PAX7: variants seen among roughly 807,000 people sequenced by gnomAD.
PAX7 encodes the protein paired box protein Pax-7.
Under a neutral mutation model 50.7 loss-of-function variants are expected in PAX7, and 18 were observed. The observed-to-expected ratio is 0.36, with a 90% confidence interval of 0.25 to 0.53. PAX7 has a LOEUF of 0.53. Ranked by LOEUF, PAX7 falls within the 20% of genes least tolerant of loss-of-function variation. The pLI is 0.93. For synonymous variants in PAX7, 310 were observed against 290.4 expected (o/e 1.07, Z -0.69); for missense variants, 644 against 702.9 (o/e 0.92, Z 0.95).
chr1:18,665,868 C>T lies in PAX7; in HGVS notation c.587-25886C>T, dbSNP rs544121350. ...TGTATTTTAAATAGAGACAAAGTTTCGCCACGTTGTCCAGGCTGGTCTCAA... is the reference window on the plus strand; with the variant it reads ...TGTATTTTAAATAGAGACAAAGTTTTGCCACGTTGTCCAGGCTGGTCTCAA... On this transcript the variant is annotated intron_variant, in intron 4 of 8. Transcript: ENST00000420770. Among the ~76,000 whole-genome samples, 17 of 151,882 alleles carry T rather than the reference C, an allele frequency of 1.1e-4. No homozygotes were observed. The South Asian group carries it at 3.3e-3, about 30-fold the overall frequency.
At chr1:18,695,900 C>T (rs889783097) in intron 5 of PAX7, among the ~76,000 whole-genome samples, 2 of 152,064 alleles carry the variant, frequency 1.3e-5, no homozygotes, top group African/African-American at 2.4e-5. Flanking sequence ...CAGTGTACAA[C>T]GCCTCTTTAC....
At chr1:18,690,743 C>A (rs985356066) in intron 4 of PAX7, among the ~76,000 whole-genome samples, 3 of 152,240 alleles carry the variant, frequency 2.0e-5, no homozygotes, top group African/African-American at 7.2e-5. Flanking sequence ...GGGTGGGGTC[C>A]ATGGCCTTGA....
intron 8 of PAX7, 122 bp from the exon 9 acceptor site, chr1:18,744,692 G>GGATGGATGGATGGATA (rs1931345804): frequency 1.3e-5 from 2 of 159,336 alleles, no homozygotes; most frequent in African/African-American, 2.6e-4. Context: ...ATGGATAAAT[G>GGATGGATGGATGGATA]GATGGATGGA....
At chr1:18,717,388 C>T (rs2089440159) in intron 7 of PAX7, among the ~76,000 whole-genome samples, 2 of 152,336 alleles carry the variant, frequency 1.3e-5, no homozygotes, top group South Asian at 2.1e-4. Flanking sequence ...GGGAGCGCCC[C>T]GTTCCCCACC....
chr1:18,638,187 G>T (rs2100426971), intron 4 of PAX7, among the ~76,000 whole-genome samples: 1 of 152,366 alleles, frequency 6.6e-6, no homozygotes, highest in Middle Eastern at 3.4e-3. Context: ...CACGCAGGGA[G>T]TATATCCAGT....
intron 4 of PAX7, among the ~76,000 whole-genome samples, chr1:18,649,357 A>T (rs1264833592): frequency 6.6e-6 from 1 of 152,096 alleles, no homozygotes; most frequent in African/African-American, 2.4e-5. Flanking sequence ...TAAAGTTCTG[A>T]TTCACAGAGG....
intron 7 of PAX7, among the ~76,000 whole-genome samples, chr1:18,709,223 C>A (rs2089319483): frequency 6.6e-6 from 1 of 152,118 alleles, no homozygotes; most frequent in African/African-American, 2.4e-5. Flanking sequence ...TAGCGGCATC[C>A]TTGGCTGGGG....
In PAX7 at chr1:18,653,130, A is replaced by G. The variant is rs565334161; in HGVS notation, c.586+16759A>G. Among the ~76,000 whole-genome samples, 261 of 152,104 alleles carry G rather than the reference A, an allele frequency of 1.7e-3. 1 individual carries two copies. Among genetic ancestry groups the G allele is most frequent in the Non-Finnish European group, 3.2e-3 (218 of 68,006 alleles). On this transcript the variant is annotated intron_variant, in intron 4 of 8. Transcript: ENST00000420770. ...ATGGCCTTCCCTGTCTCCTTCAGGG[A>G]AAGGGTTTCATCCTTCAGGGAAGAT... is the stretch of plus-strand genomic sequence containing the variant.
intron 4 of PAX7, among the ~76,000 whole-genome samples, chr1:18,643,003 A>C (rs116117685): frequency 8.6e-5 from 13 of 151,572 alleles, no homozygotes; most frequent in South Asian, 6.3e-4. Flanking sequence ...AGGGGATGCG[A>C]AGGGAGGGGG....
intron 7 of PAX7, among the ~76,000 whole-genome samples, chr1:18,706,446 T>TTC (rs199935082): frequency 1.5e-4 from 21 of 143,200 alleles, no homozygotes; most frequent in South Asian, 2.2e-4. Context: ...TTCTTTTCTT[T>TTC]TCTCTCTCTC....
chr1:18,673,253 C>T (rs920872211), intron 4 of PAX7, among the ~76,000 whole-genome samples: 2 of 152,188 alleles, frequency 1.3e-5, no homozygotes, highest in Non-Finnish European at 2.9e-5. Flanking sequence ...ATGACAATTA[C>T]GCATGCAAAG....
chr1:18,668,152 G>A (rs2088696086), intron 4 of PAX7, among the ~76,000 whole-genome samples: 1 of 152,124 alleles, frequency 6.6e-6, no homozygotes, highest in African/African-American at 2.4e-5. Flanking sequence ...AGGGGGTGGG[G>A]CAGTATTTTT....
At chr1:18,674,094 A>T (rs1055346385) in intron 4 of PAX7, among the ~76,000 whole-genome samples, 1 of 152,256 alleles carries the variant, frequency 6.6e-6, no homozygotes, top group African/African-American at 2.4e-5. Context: ...TATTGCACAG[A>T]TCTGGCCATA....
intron 4 of PAX7, among the ~76,000 whole-genome samples, chr1:18,662,449 TTC>T (rs2088613816): frequency 6.6e-6 from 1 of 152,090 alleles, no homozygotes; most frequent in Non-Finnish European, 1.5e-5. Flanking sequence ...CATTCACTCA[TTC>T]TCTCATCCTG....
At position 18,662,108 on chromosome 1, in the gene PAX7, G is replaced by A. The variant is rs369645233; in HGVS notation, c.586+25737G>A. ...GTTGGGCAACAGGAGTTGGTGCTTC[G>A]CTGGGGGTAGGGTGGGTGCTGGGGG... is the stretch of plus-strand genomic sequence containing the variant. On this transcript the variant is annotated intron_variant, in intron 4 of 8. Coordinates refer to ENST00000420770, the MANE Select transcript of PAX7 (RefSeq NM_001135254.2). Among the ~76,000 whole-genome samples the A allele has an allele frequency of 3.4e-4, 51 of 150,440 alleles. 1 individual carries two copies. In the Middle Eastern group the frequency reaches 0.01, roughly 31 times the overall value.
chr1:18,660,043 C>T (rs1011184062), intron 4 of PAX7, among the ~76,000 whole-genome samples: 2 of 152,208 alleles, frequency 1.3e-5, no homozygotes, highest in Admixed American at 1.3e-4. Context: ...GGTCGGAATT[C>T]GTCCACGTTT....
Position 18,741,926 on chromosome 1 carries a change from T to C in PAX7, c.1403-2888T>C, listed in dbSNP as rs76449559. ...CTGGGTTTGAATCCTGGCTCCACAA[T>C]TTATGAACTGTGTGATCTTTGAAGT... is the stretch of plus-strand genomic sequence containing the variant. On this transcript the variant is annotated intron_variant, in intron 8 of 8. Transcript: ENST00000420770. 5.1e-3 allele frequency among the ~76,000 whole-genome samples: 783 copies of C among 152,318 alleles called. 7 individuals carry two copies. Among genetic ancestry groups the C allele is most frequent in the African/African-American group, 0.016 (671 of 41,572 alleles).
chr1:18,670,899 C>T (rs940264642), intron 4 of PAX7, among the ~76,000 whole-genome samples: 2 of 152,196 alleles, frequency 1.3e-5, no homozygotes, highest in African/African-American at 4.8e-5. Flanking sequence ...TACTCTCTGA[C>T]ACTTAACAGG....
chr1:18,709,904 G>A (rs905722708), intron 7 of PAX7, among the ~76,000 whole-genome samples: 1 of 152,312 alleles, frequency 6.6e-6, no homozygotes, highest in East Asian at 1.9e-4. Context: ...CAGAGTCGCT[G>A]TCCCCAAACG....
Sources: gnomAD v4.1 joint callset for allele counts (sites outside exome capture counted in the v4.1 genomes callset) on GRCh38, gnomAD v4.1.1 for gene constraint, MANE v1.5 for transcripts, NCBI Gene and HGNC (gene_info 2026-07-23, HGNC 2026-07-21) for gene names.